NALCN: variants seen among roughly 807,000 people sequenced by gnomAD.
NALCN encodes the protein sodium leak channel, non-selective.
Under a neutral mutation model 225.3 loss-of-function variants are expected in NALCN, and 111 were observed. The observed-to-expected ratio is 0.49, with a 90% CI of 0.42 to 0.58. The LOEUF (loss-of-function observed/expected upper bound fraction) is 0.58, where lower values mean the gene tolerates loss of function less well. NALCN is among the 20% of genes least tolerant of loss of function. NALCN has a pLI of 0.00. For synonymous variants in NALCN, 764 were observed against 769.0 expected, an observed-to-expected ratio of 0.99 and a Z score of 0.11; for missense variants, 1,378 against 2,202.4, an observed-to-expected ratio of 0.63 and a Z score of 7.49.
intron 28 of NALCN, among the ~76,000 whole-genome samples, chr13:101,095,341 TA>T (rs1484922304): frequency 6.6e-6 from 1 of 152,216 alleles, no homozygotes; most frequent in African/African-American, 2.4e-5. Context: ...AATACTGAGA[TA>T]ATATTTCTCT....
At chr13:101,377,767 C>T (rs1014186626) in intron 4 of NALCN, among the ~76,000 whole-genome samples, 2 of 152,200 alleles carry the variant, frequency 1.3e-5, no homozygotes, top group East Asian at 3.9e-4. Context: ...ATTTATTGTA[C>T]AATTAAAATT....
intron 13 of NALCN, among the ~76,000 whole-genome samples, chr13:101,198,062 T>C (rs1186398276): frequency 6.6e-6 from 1 of 152,142 alleles, no homozygotes; most frequent in African/African-American, 2.4e-5. Context: ...CTTGGATATA[T>C]GAGAACAGGG....
chr13:101,072,967 T>TA (rs1411515439), intron 37 of NALCN, among the ~76,000 whole-genome samples: 1 of 152,042 alleles, frequency 6.6e-6, no homozygotes, highest in African/African-American at 2.4e-5. Context: ...GAGAAAGAGA[T>TA]AAAATAAATG....
chr13:101,298,245 T>C (rs555590968), intron 7 of NALCN, among the ~76,000 whole-genome samples: 2 of 152,318 alleles, frequency 1.3e-5, no homozygotes, highest in South Asian at 2.1e-4. Flanking sequence ...TTGTTCAAGA[T>C]GGGGTGGGTT....
intron 10 of NALCN, among the ~76,000 whole-genome samples, chr13:101,279,677 C>T (rs929250504): frequency 1.0e-4 from 15 of 149,112 alleles, no homozygotes; most frequent in South Asian, 2.2e-4. Context: ...ATTAGCCGGG[C>T]GTAGTGGCGG....
chr13:101,210,681 T>G (rs2040491265), intron 13 of NALCN, among the ~76,000 whole-genome samples: 1 of 152,172 alleles, frequency 6.6e-6, no homozygotes, highest in Non-Finnish European at 1.5e-5. Context: ...TCATTTACCC[T>G]TGGATGCTGG....
chr13:101,062,713 T>C (rs2032055521), intron 40 of NALCN, among the ~76,000 whole-genome samples: 1 of 152,120 alleles, frequency 6.6e-6, no homozygotes. Flanking sequence ...AAGCATTTCT[T>C]CTGCCTCAGC....
intron 18 of NALCN, among the ~76,000 whole-genome samples, chr13:101,119,469 C>T (rs1246621996): frequency 2.6e-5 from 4 of 152,174 alleles, no homozygotes; most frequent in Non-Finnish European, 5.9e-5. Context: ...ATATATTGTC[C>T]TCACTAAGGA....
At chr13:101,120,660 T>C (rs1163533768) in intron 18 of NALCN, among the ~76,000 whole-genome samples, 4 of 152,190 alleles carry the variant, frequency 2.6e-5, no homozygotes, top group Non-Finnish European at 5.9e-5. Flanking sequence ...TCACCATTTA[T>C]TTTTCTTCTC....
chr13:101,382,931 T>C (rs1334594541), intron 3 of NALCN, among the ~76,000 whole-genome samples: 1 of 152,198 alleles, frequency 6.6e-6, no homozygotes, highest in African/African-American at 2.4e-5. Context: ...CAGTGAAGTA[T>C]GGAAATAATC....
At chr13:101,149,120 C>T (rs934698168) in intron 15 of NALCN, among the ~76,000 whole-genome samples, 4 of 152,124 alleles carry the variant, frequency 2.6e-5, no homozygotes, top group Admixed American at 2.0e-4. Flanking sequence ...GGTGAAACCC[C>T]GTCTCTGCTA....
chr13:101,060,211 T>C (rs1397859368), intron 41 of NALCN, among the ~76,000 whole-genome samples: 1 of 151,772 alleles, frequency 6.6e-6, no homozygotes, highest in Non-Finnish European at 1.5e-5. Context: ...ACAATCAGAA[T>C]AGTGACGGTC....
chr13:101,329,173 A>G (rs1445079948), intron 7 of NALCN, among the ~76,000 whole-genome samples: 2 of 152,222 alleles, frequency 1.3e-5, no homozygotes, highest in East Asian at 1.9e-4. Flanking sequence ...ATGAGATAAT[A>G]TATCTGTATG....
intron 3 of NALCN, among the ~76,000 whole-genome samples, chr13:101,380,566 C>A (rs1274853692): frequency 6.6e-6 from 1 of 152,074 alleles, no homozygotes; most frequent in Admixed American, 6.6e-5. Context: ...ATCATTACCT[C>A]CTCTGATTAA....
intron 18 of NALCN, among the ~76,000 whole-genome samples, chr13:101,118,929 G>A (rs2035843455): frequency 6.6e-6 from 1 of 152,172 alleles, no homozygotes; most frequent in Non-Finnish European, 1.5e-5. Flanking sequence ...TGTACAGGGT[G>A]TCTTGCTAGT....
intron 10 of NALCN, among the ~76,000 whole-genome samples, chr13:101,260,432 T>G (rs1265408244): frequency 2.0e-5 from 3 of 152,228 alleles, no homozygotes; most frequent in Non-Finnish European, 2.9e-5. Flanking sequence ...TTTAGTTTTT[T>G]GAGGAATGTT....
At position 101,151,924 on chromosome 13, in the gene NALCN, G is replaced by C. The variant is rs1354272105; in HGVS notation, c.1840-7028C>G. The stretch of plus-strand genomic sequence containing the variant: ...TGAAATCCAATACAGAATTTCTTCA[G>C]GTGGGTGGGCACTGTCTTTTCTGCT... On this transcript the variant is annotated intron_variant, in intron 15 of 43. Coordinates refer to ENST00000251127, the MANE Select transcript of NALCN (RefSeq NM_052867.4). 2.0e-5 allele frequency among the ~76,000 whole-genome samples: 3 copies of C among 152,174 alleles called. 1 individual carries two copies. Among genetic ancestry groups the C allele is most frequent in the Non-Finnish European group, 4.4e-5 (3 of 68,034 alleles).
At chr13:101,300,365 T>TCC in intron 7 of NALCN, among the ~76,000 whole-genome samples, 1 of 110,130 alleles carries the variant, frequency 9.1e-6, no homozygotes, top group South Asian at 3.6e-4. Flanking sequence ...TTTCTTTCTT[T>TCC]CTTTCCTTCC....
At chr13:101,220,105 A>T (rs1276350993) in intron 13 of NALCN, among the ~76,000 whole-genome samples, 1 of 152,184 alleles carries the variant, frequency 6.6e-6, no homozygotes, top group Non-Finnish European at 1.5e-5. Flanking sequence ...CCCTATAAAC[A>T]TTGCTGGGAG....
Sources: gnomAD v4.1 joint callset for allele counts (sites outside exome capture counted in the v4.1 genomes callset) on GRCh38, gnomAD v4.1.1 for gene constraint, MANE v1.5 for transcripts, NCBI Gene and HGNC (gene_info 2026-07-23, HGNC 2026-07-21) for gene names.